The following CNTNAP3B variants were observed in gnomAD, a reference collection of about 807,000 sequenced individuals.
CNTNAP3B encodes the protein contactin-associated protein-like 3B.
CNTNAP3B carries 25 observed loss-of-function variants against 108.9 expected under a neutral mutation model. That is an observed-to-expected ratio of 0.23 (90% CI 0.17 to 0.32). The LOEUF (loss-of-function observed/expected upper bound fraction) is 0.32, where lower values mean the gene tolerates loss of function less well. Ranked by LOEUF, CNTNAP3B falls within the 10% of genes least tolerant of loss-of-function variation. CNTNAP3B has a pLI of 1.00. For missense variants in CNTNAP3B, 252 were observed against 1,210.4 expected (o/e 0.21, Z 11.75); for synonymous variants, 103 against 473.4 (o/e 0.22, Z 10.16).
chr9:42,078,756 T>G (rs549918175), intron 2 of CNTNAP3B, among the ~76,000 whole-genome samples: 28 of 145,748 alleles, frequency 1.9e-4, no homozygotes, highest in Admixed American at 1.4e-3. Flanking sequence ...CTTGGATGAT[T>G]TACAGCAATA....
chr9:41,955,629 C>G (rs1402314104), intron 12 of CNTNAP3B, among the ~76,000 whole-genome samples: 2 of 152,226 alleles, frequency 1.3e-5, no homozygotes, highest in African/African-American at 4.8e-5. Context: ...CTCCTGGGCT[C>G]AAGTGAATTG....
chr9:42,079,634 G>T (rs1325048921), intron 2 of CNTNAP3B, among the ~76,000 whole-genome samples: 1 of 134,964 alleles, frequency 7.4e-6, no homozygotes, highest in Non-Finnish European at 1.6e-5. Flanking sequence ...CAATTCTCCT[G>T]CCTCAGCCAC....
intron 13 of CNTNAP3B, among the ~76,000 whole-genome samples, chr9:41,940,650 A>G (rs1175910906): frequency 6.6e-6 from 1 of 152,264 alleles, no homozygotes; most frequent in African/African-American, 2.4e-5. Context: ...CCCCGTCTCT[A>G]CTAAAAATAC....
At chr9:42,026,888 A>G (rs1223142393) in intron 3 of CNTNAP3B, among the ~76,000 whole-genome samples, 2 of 126,322 alleles carry the variant, frequency 1.6e-5, no homozygotes, top group Admixed American at 8.0e-5. Flanking sequence ...ACTTTTAAGC[A>G]AACAGTCGGG....
intron 12 of CNTNAP3B, among the ~76,000 whole-genome samples, chr9:41,958,560 C>G (rs1213443637): frequency 6.6e-6 from 1 of 151,916 alleles, no homozygotes; most frequent in African/African-American, 2.4e-5. Context: ...GTGATTAGGT[C>G]TGAGTCCTTT....
chr9:41,962,415 G>A (rs560402911), intron 11 of CNTNAP3B, among the ~76,000 whole-genome samples: 488 of 151,942 alleles, frequency 3.2e-3, no homozygotes, highest in Middle Eastern at 6.8e-3. Context: ...TGATTGCAGT[G>A]AATAACCATG....
At chr9:41,938,470 T>A in intron 13 of CNTNAP3B, 70 bp from the exon 14 acceptor site, 1 of 1,610,398 alleles carries the variant, frequency 6.2e-7, no homozygotes, top group Non-Finnish European at 8.5e-7. Context: ...TATATCTCCC[T>A]TTACTCCCAG....
At chr9:41,977,949 G>T (rs1587169678) in intron 9 of CNTNAP3B, among the ~76,000 whole-genome samples, 1 of 140,380 alleles carries the variant, frequency 7.1e-6, no homozygotes, top group Admixed American at 7.1e-5. Flanking sequence ...CTTTCATATT[G>T]TGCTGTCTCC....
intron 15 of CNTNAP3B, among the ~76,000 whole-genome samples, chr9:41,924,813 T>C (rs1003775962): frequency 6.6e-6 from 1 of 152,298 alleles, no homozygotes; most frequent in Admixed American, 6.5e-5. Context: ...TTTAGTGTCC[T>C]TTATTCTGGT....
In CNTNAP3B at chr9:42,000,532, G is replaced by GT. The variant is rs1419111439; in HGVS notation, c.539-1929dup. Among the ~76,000 whole-genome samples, 10 of 119,282 alleles carry GT rather than the reference G, an allele frequency of 8.4e-5. 2 individuals carry two copies. The highest frequency in any genetic ancestry group is 2.9e-4 in the African/African-American group (8 of 28,008). The allele number at this position is 119,282 out of a possible 152,430, so 78.3% of individuals were successfully genotyped here. A position where few individuals can be genotyped will look rare whatever the true frequency, so the allele number is the denominator to read the frequency against. The stretch of plus-strand genomic sequence containing the variant: ...CTAACAAAGTTTTCTTCCCGAAAAG[G>GT]TTTTTTCTGGATTATTGCAACCTAT... On this transcript the variant is annotated intron_variant, in intron 4 of 23. Transcript: ENST00000377561.
chr9:41,995,623 C>T (rs1236600603), intron 7 of CNTNAP3B, among the ~76,000 whole-genome samples: 1 of 125,760 alleles, frequency 8.0e-6, no homozygotes, highest in Non-Finnish European at 1.6e-5. Flanking sequence ...CCCAGGTACT[C>T]GGGAGGCTGA....
Position 41,953,257 on chromosome 9 carries a change from G to A in CNTNAP3B, c.2006C>T (p.Ala669Val), listed in dbSNP as rs1209426299. The A allele has an allele frequency of 5.2e-5, 80 of 1,525,568 alleles. No individual in the cohort carries two copies. In the Admixed American group the frequency reaches 7.7e-4, roughly 15 times the overall value. 94.5% of individuals were successfully genotyped at this position (1,525,568 alleles called of 1,614,324 possible). Residue 669 changes from alanine to valine, a missense_variant, in exon 13 of 24, where the codon GCG becomes GTG. By Grantham distance (64) the Ala-to-Val change is moderately conservative (BLOSUM62 0). Coordinates refer to ENST00000377561, the MANE Select transcript of CNTNAP3B (RefSeq NM_001201380.3). ...CTCGCAGCGCTCCGCCAGGTTCACC[G>A]CGGCCCGCAGCTGCCCCGCGCCCGC... Reference protein sequence around the residue: ...YAAGAGQLRAAVNLAERCEQR... With the variant: ...YAAGAGQLRAVVNLAERCEQR...
chr9:41,918,965 C>A (rs1367305554), intron 18 of CNTNAP3B, among the ~76,000 whole-genome samples: 2 of 151,706 alleles, frequency 1.3e-5, no homozygotes, highest in African/African-American at 4.9e-5. Context: ...GTGATTAAAG[C>A]CTGTTTTGCT....
chr9:41,921,252 A>T (rs1474479978), intron 17 of CNTNAP3B, among the ~76,000 whole-genome samples: 2 of 152,296 alleles, frequency 1.3e-5, no homozygotes, highest in East Asian at 3.8e-4. Flanking sequence ...CTCCAAGATT[A>T]CAAGTGAGAA....
intron 16 of CNTNAP3B, among the ~76,000 whole-genome samples, chr9:41,923,297 A>G (rs1823718569): frequency 6.7e-6 from 1 of 148,852 alleles, no homozygotes; most frequent in African/African-American, 2.5e-5. Context: ...TCATAAATTA[A>G]GCTTTGGGTA....
intron 12 of CNTNAP3B, chr9:41,960,291 C>A (rs140904861): frequency 2.2e-3 from 370 of 170,432 alleles, no homozygotes; most frequent in African/African-American, 8.3e-3. Flanking sequence ...AGCCACCATG[C>A]GCAGCCCAAG....
chr9:41,972,487 G>A (rs1825438484), intron 9 of CNTNAP3B, among the ~76,000 whole-genome samples: 1 of 136,382 alleles, frequency 7.3e-6, no homozygotes, highest in Admixed American at 7.4e-5. Flanking sequence ...AAAATTAAAT[G>A]TTGTGTTTAG....
intron 3 of CNTNAP3B, among the ~76,000 whole-genome samples, chr9:42,056,042 A>T (rs1214911328): frequency 8.8e-6 from 1 of 113,640 alleles, no homozygotes; most frequent in Admixed American, 9.1e-5. Context: ...CACTCAAGAT[A>T]CATAATGTCT....
At chr9:42,089,639 A>G (rs1291919874) in intron 2 of CNTNAP3B, among the ~76,000 whole-genome samples, 2 of 148,052 alleles carry the variant, frequency 1.4e-5, no homozygotes, top group African/African-American at 5.1e-5. Flanking sequence ...TGTATTAAAA[A>G]TATTCAGTAA....
Sources: allele counts gnomAD v4.1 joint callset (sites outside exome capture counted in the v4.1 genomes callset), GRCh38; gene constraint gnomAD v4.1.1; transcripts MANE v1.5; gene names NCBI Gene and HGNC (gene_info 2026-07-23, HGNC 2026-07-21).